ERC1: variants seen among roughly 807,000 people sequenced by gnomAD.
ERC1 encodes RAB6 interacting protein 2.
In ERC1, 56 loss-of-function variants were observed where a neutral mutation model predicts 132.0. The observed-to-expected ratio is 0.42, with a 90% CI of 0.34 to 0.53. The LOEUF (loss-of-function observed/expected upper bound fraction) is 0.53. ERC1 is among the 20% of genes least tolerant of loss of function. ERC1 has a pLI of 0.03. For synonymous variants in ERC1, 478 were observed against 476.1 expected (o/e 1.00, Z -0.05); for missense variants, 1,202 against 1,349.9 (o/e 0.89, Z 1.72).
chr12:1,121,881 G>C (rs866914828), intron 7 of ERC1, among the ~76,000 whole-genome samples: 3 of 32,474 alleles, frequency 9.2e-5, no homozygotes, highest in African/African-American at 2.9e-4. Context: ...ATCTCTATCT[G>C]TGTCTCTATC....
At chr12:1,019,822 G>A (rs1053933436) in intron 1 of ERC1, among the ~76,000 whole-genome samples, 33 of 152,250 alleles carry the variant, frequency 2.2e-4, no homozygotes, top group African/African-American at 7.7e-4. Flanking sequence ...GCTCACTGTA[G>A]CCATGAACTC....
intron 15 of ERC1, among the ~76,000 whole-genome samples, chr12:1,367,200 A>T (rs1036590082): frequency 2.0e-5 from 3 of 152,250 alleles, no homozygotes; most frequent in Non-Finnish European, 4.4e-5. Context: ...TCAAAGGTTT[A>T]TTTAGTCCAT....
rs147687445 is a variant in ERC1, at chr12:1,226,422, T to G, written c.2352-10347T>G. Among the ~76,000 whole-genome samples, 651 of 152,338 alleles carry G rather than the reference T, an allele frequency of 4.3e-3. 10 individuals are homozygous for G. Among genetic ancestry groups the G allele is most frequent in the African/African-American group, 0.015 (623 of 41,584 alleles). ...CCTCACATAGTTACCACTTGTTGTG[T>G]GTGTTGTTAGAACCCTTAAGATCTG... On this transcript the variant is annotated intron_variant, in intron 12 of 18. Coordinates refer to ENST00000360905, the MANE Select transcript of ERC1 (RefSeq NM_178040.4).
At chr12:1,158,511 A>G (rs1593812101) in intron 8 of ERC1, among the ~76,000 whole-genome samples, 4 of 151,472 alleles carry the variant, frequency 2.6e-5, no homozygotes, top group African/African-American at 7.3e-5. Flanking sequence ...GCTCACCGCA[A>G]CCTCGCCTCC....
chr12:1,186,129 C>T (rs549779017), intron 11 of ERC1, among the ~76,000 whole-genome samples: 3 of 152,292 alleles, frequency 2.0e-5, no homozygotes, highest in African/African-American at 7.2e-5. Context: ...CTCTTTTGCT[C>T]AAAGTACTTT....
Position 1,293,285 on chromosome 12 carries a change from C to T in ERC1, c.2780+3273C>T, listed in dbSNP as rs367629396. 2.0e-5 allele frequency among the ~76,000 whole-genome samples: 3 copies of T among 151,142 alleles called. No individual in the cohort carries two copies. In the East Asian group the frequency reaches 5.8e-4, roughly 29 times the overall value. On this transcript the variant is annotated intron_variant, in intron 15 of 18. Coordinates refer to ENST00000360905, the MANE Select transcript of ERC1 (RefSeq NM_178040.4). ...CTGGCTAACACGGTGAACCCCGTCT[C>T]TACTAAAAATACAAAACATTAGCCA...
chr12:1,010,326 C>T (rs539709370), intron 1 of ERC1, among the ~76,000 whole-genome samples: 22 of 151,524 alleles, frequency 1.5e-4, no homozygotes, highest in Middle Eastern at 3.4e-3. Flanking sequence ...ACTAAAAATA[C>T]AAAAATTAGC....
chr12:1,204,865 G>A (rs1167164161), intron 12 of ERC1, among the ~76,000 whole-genome samples: 1 of 152,084 alleles, frequency 6.6e-6, no homozygotes, highest in African/African-American at 2.4e-5. Context: ...GTAAAGTGCC[G>A]CAAAAATGAT....
chr12:1,468,838 T>C (rs1377938483), intron 18 of ERC1, among the ~76,000 whole-genome samples: 2 of 152,166 alleles, frequency 1.3e-5, no homozygotes, highest in African/African-American at 4.8e-5. Flanking sequence ...AGGCTCAAGA[T>C]GGTAAAGCTA....
intron 9 of ERC1, among the ~76,000 whole-genome samples, chr12:1,181,121 C>G (rs1954412505): frequency 6.6e-6 from 1 of 152,128 alleles, no homozygotes; most frequent in African/African-American, 2.4e-5. Flanking sequence ...CCAAATTGCT[C>G]TGATTTTCAA....
chr12:1,483,734 G>A (rs1434383080), intron 18 of ERC1, among the ~76,000 whole-genome samples: 1 of 122,890 alleles, frequency 8.1e-6, no homozygotes, highest in African/African-American at 3.1e-5. Context: ...CTGTCACCCA[G>A]GCTGGAGTGC....
intron 7 of ERC1, among the ~76,000 whole-genome samples, chr12:1,117,970 G>C (rs1046800141): frequency 1.3e-5 from 2 of 152,012 alleles, no homozygotes; most frequent in Non-Finnish European, 2.9e-5. Flanking sequence ...TATATTTATG[G>C]GGTATGTGAG....
At chr12:1,340,539 T>C (rs972181870) in intron 15 of ERC1, among the ~76,000 whole-genome samples, 3 of 152,176 alleles carry the variant, frequency 2.0e-5, no homozygotes, top group African/African-American at 7.2e-5. Flanking sequence ...TTACTCTTCG[T>C]GAGTACAACT....
In ERC1 at chr12:1,329,625, C is replaced by T. The variant is rs939640447; in HGVS notation, c.2780+39613C>T. ...ACTAATAAATGAGAAGGAACAGATC[C>T]GTAACTTTGGTTTCCTTTTGCTATC... On this transcript the variant is annotated intron_variant, in intron 15 of 18. Coordinates refer to ENST00000360905, the MANE Select transcript of ERC1 (RefSeq NM_178040.4). Among the ~76,000 whole-genome samples, 11 of 152,210 alleles carry T rather than the reference C, an allele frequency of 7.2e-5. No individual in the cohort carries two copies. In the East Asian group the frequency reaches 7.7e-4, roughly 11 times the overall value.
intron 1 of ERC1, among the ~76,000 whole-genome samples, chr12:1,007,397 G>A (rs1296057342): frequency 9.2e-5 from 14 of 152,016 alleles, no homozygotes; most frequent in Admixed American, 8.5e-4. Flanking sequence ...AAAAACTAAA[G>A]TAGTGACAGT....
At chr12:1,298,782 G>A (rs764106856) in intron 15 of ERC1, among the ~76,000 whole-genome samples, 71 of 147,554 alleles carry the variant, frequency 4.8e-4, no homozygotes, top group Non-Finnish European at 8.5e-4. Context: ...AAAAAAAAAA[G>A]CAAGGCTCAA....
chr12:1,388,345 CAAAAAA>C (rs34634557), intron 16 of ERC1, among the ~76,000 whole-genome samples: 10 of 85,084 alleles, frequency 1.2e-4, no homozygotes, highest in South Asian at 4.4e-4. Context: ...GACTCTGTCT[CAAAAAA>C]AAAAAAAAAA....
intron 8 of ERC1, among the ~76,000 whole-genome samples, chr12:1,146,024 T>G (rs1950311825): frequency 6.6e-6 from 1 of 152,206 alleles, no homozygotes; most frequent in Non-Finnish European, 1.5e-5. Flanking sequence ...ACATTTGTTC[T>G]TATTGCTTAG....
chr12:1,419,544 T>G (rs1455251105), intron 17 of ERC1, among the ~76,000 whole-genome samples: 1 of 150,598 alleles, frequency 6.6e-6, no homozygotes, highest in Non-Finnish European at 1.5e-5. Context: ...GCTGACAAAA[T>G]TTCTACATTT....
Sources: gnomAD v4.1 joint callset for allele counts (sites outside exome capture counted in the v4.1 genomes callset) on GRCh38, gnomAD v4.1.1 for gene constraint, MANE v1.5 for transcripts, NCBI Gene and HGNC (gene_info 2026-07-23, HGNC 2026-07-21) for gene names.